The following DDIAS variants were observed in gnomAD, a reference collection of about 807,000 sequenced individuals.
The protein encoded by DDIAS is DNA damage induced apoptosis suppressor, also known as DNA damage-induced apoptosis suppressor protein.
A neutral mutation model predicts 15.7 loss-of-function variants in DDIAS; 14 were observed. That is an observed-to-expected ratio of 0.89 (90% confidence interval 0.59 to 1.39). DDIAS has a LOEUF of 1.39. DDIAS is among the 40% of genes most tolerant of loss of function. The probability of loss-of-function intolerance (pLI) is 0.00; values close to 1 mark genes in which losing one functional copy is unlikely to be tolerated. For synonymous variants in DDIAS, 355 were observed against 395.9 expected, an observed-to-expected ratio of 0.90 and a Z score of 1.23; for missense variants, 1,035 against 1,130.9, an observed-to-expected ratio of 0.92 and a Z score of 1.22.
At chr11:82,926,682 A>G (rs938961939) in intron 3 of DDIAS, among the ~76,000 whole-genome samples, 4 of 152,176 alleles carry the variant, frequency 2.6e-5, no homozygotes, top group Non-Finnish European at 4.4e-5. Flanking sequence ...CTCATCCCAG[A>G]CTTCCTGAAT....
intron 1 of DDIAS, among the ~76,000 whole-genome samples, chr11:82,911,304 C>T (rs1860526615): frequency 6.6e-6 from 1 of 152,186 alleles, no homozygotes. Flanking sequence ...CACAGTAGAA[C>T]TTCTTTCAGA....
intron 3 of DDIAS, among the ~76,000 whole-genome samples, chr11:82,918,670 A>T (rs1329371294): frequency 3.3e-5 from 5 of 152,144 alleles, no homozygotes; most frequent in Non-Finnish European, 7.4e-5. Context: ...CAGCATGGTC[A>T]TTTTCACAAT....
Position 82,934,406 on chromosome 11 carries a change from G to A in DDIAS, c.*71G>A, listed in dbSNP as rs1590816023. On this transcript the variant is annotated 3_prime_UTR_variant, in exon 6 of 6. Transcript: ENST00000533655. ...ATGTTTGCCTTCAGGGGTACGGAAA[G>A]CATTCTTTACATTTTGAACACTTGG... is the stretch of plus-strand genomic sequence containing the variant. 2.1e-6 allele frequency: 3 copies of A among 1,432,062 alleles called. No homozygotes were observed. In the East Asian group the frequency reaches 7.0e-5, roughly 33 times the overall value. 88.7% of individuals were successfully genotyped at this position (1,432,062 alleles called of 1,614,324 possible). A position where few individuals can be genotyped will look rare whatever the true frequency, so the allele number is the denominator to read the frequency against.
chr11:82,934,136 A>G lies in DDIAS; in HGVS notation c.2798A>G (p.Lys933Arg), dbSNP rs1565253278. Residue 933 changes from lysine to arginine, a missense_variant, in exon 6 of 6, where the codon AAA becomes AGA. By Grantham distance (26) the Lys-to-Arg change is conservative (BLOSUM62 2). Transcript: ENST00000533655. ...NMLAAVVTKK[K>R]THKYNCKSSG... ...CTTGCAGCAGTTGTTACGAAAAAGA[A>G]AACTCATAAATATAACTGTAAAAGT... 1 of 1,609,264 alleles carries G rather than the reference A, an allele frequency of 6.2e-7. No homozygotes were observed. Among genetic ancestry groups the G allele is most frequent in the Non-Finnish European group, 8.5e-7 (1 of 1,178,908 alleles).
chr11:82,915,291 C>T (rs78148142), intron 3 of DDIAS, among the ~76,000 whole-genome samples: 7,436 of 152,134 alleles, frequency 0.049, 269 homozygotes, highest in African/African-American at 0.1. Context: ...AGGTGTTTGG[C>T]GTATAATTCT....
chr11:82,914,987 C>T, intron 3 of DDIAS, 136 bp downstream of exon 3: 1 of 570,066 alleles, frequency 1.8e-6, no homozygotes, highest in Non-Finnish European at 3.0e-6. Context: ...CTGTAAATCC[C>T]AGAACAGATT....
chr11:82,908,742 A>G (rs925525905), intron 1 of DDIAS, among the ~76,000 whole-genome samples: 8 of 152,244 alleles, frequency 5.3e-5, no homozygotes, highest in Non-Finnish European at 8.8e-5. Flanking sequence ...TTCAATTGTC[A>G]TAACAACGAA....
At chr11:82,926,289 A>G (rs1201195163) in intron 3 of DDIAS, among the ~76,000 whole-genome samples, 1 of 151,874 alleles carries the variant, frequency 6.6e-6, no homozygotes, top group Non-Finnish European at 1.5e-5. Context: ...CAGTTTTGCC[A>G]TGTTTCCCAG....
In DDIAS at chr11:82,932,264, A is replaced by G. The variant is rs997910739; in HGVS notation, c.926A>G (p.Glu309Gly). ...TATATGGATAAAAAGAGTACAGCAG[A>G]AAAGTTGGGTAAAGAACTTGGCTTA... ...VSYMDKKSTA[E>G]KLGKELGLQA... The change falls in exon 6 of 6, where the codon GAA becomes GGA. Residue 309 changes from glutamate (E) to glycine (G), a missense_variant. By Grantham distance (98) the Glu-to-Gly change is moderately conservative (BLOSUM62 -2). Transcript: ENST00000533655. The G allele has an allele frequency of 2.5e-6, 4 of 1,613,748 alleles. No individual in the cohort carries two copies. Among genetic ancestry groups the G allele is most frequent in the Non-Finnish European group, 3.4e-6 (4 of 1,179,776 alleles).
intron 3 of DDIAS, among the ~76,000 whole-genome samples, chr11:82,920,694 C>A (rs535088222): frequency 6.6e-6 from 1 of 152,216 alleles, no homozygotes; most frequent in Admixed American, 6.5e-5. Context: ...TTGAAGGTTC[C>A]TTTTGGAGTT....
chr11:82,915,688 G>GCATCCAC (rs58854756), intron 3 of DDIAS, among the ~76,000 whole-genome samples: 1 of 151,364 alleles, frequency 6.6e-6, no homozygotes, highest in Non-Finnish European at 1.5e-5. Context: ...TAAATCCTTG[G>GCATCCAC]CTAGGGCTTA....
intron 1 of DDIAS, among the ~76,000 whole-genome samples, chr11:82,909,825 C>A (rs1238123363): frequency 6.6e-6 from 1 of 152,298 alleles, no homozygotes; most frequent in African/African-American, 2.4e-5. Context: ...GATTAGCGTT[C>A]TCTTTTCTGT....
In DDIAS at chr11:82,921,732, C is replaced by T. The variant is rs184697708; in HGVS notation, c.113+6881C>T. Among the ~76,000 whole-genome samples, 462 of 152,022 alleles carry T rather than the reference C, an allele frequency of 3.0e-3. 9 individuals are homozygous for T. Among genetic ancestry groups the T allele is most frequent in the East Asian group, 9.7e-4 (5 of 5,178 alleles). ...TAGCTGGGATTACAGGCACCCACCACCACGTCCAGCTAATTTTTGTATTTT... is the reference window on the plus strand; with the variant it reads ...TAGCTGGGATTACAGGCACCCACCATCACGTCCAGCTAATTTTTGTATTTT... On this transcript the variant is annotated intron_variant, in intron 3 of 5. Transcript: ENST00000533655.
intron 4 of DDIAS, 42 bp from the exon 5 acceptor site, chr11:82,930,115 A>G (rs2170009): frequency 0.49 from 573,108 of 1,175,616 alleles, 143,234 homozygotes; most frequent in African/African-American, 0.7. Context: ...GTAAAATTTC[A>G]AAGTTCATTG....
chr11:82,933,504 A>G lies in DDIAS; in HGVS notation c.2166A>G (p.Ser722=). ...CAGAGTCTGATTTTTCACTGAGATC[A>G]CTTTCTGAAGACTTCATCCAGCCTT... The part of the protein sequence containing the change: ...HPSESDFSLR[S]LSEDFIQPSQ... The change falls in exon 6 of 6, where the codon TCA becomes TCG. Residue 722 remains serine (S), a synonymous_variant. Coordinates refer to ENST00000533655, the MANE Select transcript of DDIAS (RefSeq NM_145018.4). The G allele has an allele frequency of 6.2e-7, 1 of 1,614,028 alleles. No homozygotes were observed. The highest frequency in any genetic ancestry group is 8.5e-7 in the Non-Finnish European group (1 of 1,179,980).
intron 3 of DDIAS, among the ~76,000 whole-genome samples, chr11:82,915,463 T>C (rs916878574): frequency 1.3e-5 from 2 of 152,170 alleles, no homozygotes; most frequent in African/African-American, 2.4e-5. Context: ...ACTAGAACTA[T>C]GTAAGAAAGA....
At chr11:82,919,095 C>G (rs563305071) in intron 3 of DDIAS, among the ~76,000 whole-genome samples, 14 of 152,226 alleles carry the variant, frequency 9.2e-5, no homozygotes, top group African/African-American at 3.1e-4. Context: ...CTTTCTTTCT[C>G]TTGTCTGATT....
intron 3 of DDIAS, among the ~76,000 whole-genome samples, chr11:82,925,321 G>A (rs527932298): frequency 2.6e-5 from 4 of 152,270 alleles, no homozygotes; most frequent in Admixed American, 2.6e-4. Context: ...TAGAAGCCAG[G>A]TGTGATGGCT....
chr11:82,930,210 A>G lies in DDIAS; in HGVS notation c.329A>G (p.Gln110Arg), dbSNP rs757917726. Residue 110 changes from glutamine to arginine, a missense_variant, in exon 5 of 6, where the codon CAG becomes CGG. Gln to Arg is a conservative substitution (Grantham distance 43). Transcript: ENST00000533655. ...IPETLDNDTT[Q>R]NLLTKAVETC... ...GAAACACTGGACAATGATACAACTC[A>G]GAATCTATTAACTAAAGCAGTTGAA... is the stretch of plus-strand genomic sequence containing the variant. 11 of 1,605,148 alleles carry G rather than the reference A, an allele frequency of 6.9e-6. No individual in the cohort carries two copies. Among genetic ancestry groups the G allele is most frequent in the African/African-American group, 1.3e-5 (1 of 74,494 alleles).
Sources: gnomAD v4.1 joint callset for allele counts (sites outside exome capture counted in the v4.1 genomes callset) on GRCh38, gnomAD v4.1.1 for gene constraint, MANE v1.5 for transcripts, NCBI Gene and HGNC (gene_info 2026-07-23, HGNC 2026-07-21) for gene names.